Variants in SATB2 observed in about 807,000 individuals in gnomAD.
SATB2 encodes SATB homeobox 2.
Under a neutral mutation model 73.4 loss-of-function variants are expected in SATB2, and 1 was observed. That is an observed-to-expected ratio of 0.01 (90% CI 0.00 to 0.06). The LOEUF (loss-of-function observed/expected upper bound fraction) is 0.06. Ranked by LOEUF, SATB2 falls within the 10% of genes least tolerant of loss-of-function variation. SATB2 has a pLI of 1.00. For synonymous variants in SATB2, 397 were observed against 367.0 expected (o/e 1.08, Z -0.93); for missense variants, 459 against 945.8 (o/e 0.49, Z 6.75).
intron 10 of SATB2, among the ~76,000 whole-genome samples, chr2:199,290,750 C>G (rs1028028037): frequency 3.9e-5 from 6 of 152,074 alleles, no homozygotes; most frequent in African/African-American, 1.4e-4. Context: ...GGGATAAAAA[C>G]TGACATATTC....
intron 9 of SATB2, among the ~76,000 whole-genome samples, chr2:199,322,228 A>G (rs760977573): frequency 6.6e-6 from 1 of 152,226 alleles, no homozygotes; most frequent in Non-Finnish European, 1.5e-5. Flanking sequence ...TGATATTTAC[A>G]TCAAGTCACA....
chr2:199,287,284 T>C (rs1692717937), intron 10 of SATB2, among the ~76,000 whole-genome samples: 1 of 151,920 alleles, frequency 6.6e-6, no homozygotes, highest in Non-Finnish European at 1.5e-5. Context: ...TTCAGATAAA[T>C]ACATTTCACC....
chr2:199,464,892 G>C lies in SATB2; in HGVS notation c.-197C>G, dbSNP rs754525872. 4 of 152,288 alleles carry C rather than the reference G, an allele frequency of 2.6e-5. No individual in the cohort carries two copies. Among genetic ancestry groups the C allele is most frequent in the Non-Finnish European group, 5.9e-5 (4 of 68,080 alleles). The allele number at this position is 152,288 out of a possible 1,614,324, so 9.4% of individuals were successfully genotyped here. A position where few individuals can be genotyped will look rare whatever the true frequency, so the allele number is the denominator to read the frequency against. ...TGCCCAGGACGGAGCGAGGGGCTGT[G>C]GGTCGGCGCAGGGACGCTGGCTGCT... On this transcript the variant is annotated 5_prime_UTR_variant, in exon 1 of 12. Transcript: ENST00000260926. This position sits in a 1 kb window ranked among gnomAD's most constrained non-coding sequence, Gnocchi z 6.6.
At chr2:199,393,900 T>C (rs1018260342) in intron 3 of SATB2, among the ~76,000 whole-genome samples, 5 of 152,094 alleles carry the variant, frequency 3.3e-5, no homozygotes, top group Non-Finnish European at 7.4e-5. Flanking sequence ...AAAAAAAATA[T>C]GGCTCAATCA....
intron 10 of SATB2, among the ~76,000 whole-genome samples, chr2:199,281,627 T>C (rs1445131194): frequency 1.3e-5 from 2 of 152,196 alleles, no homozygotes; most frequent in African/African-American, 4.8e-5. Context: ...TATCATGTAA[T>C]TGAAAGTTTC....
intron 7 of SATB2, among the ~76,000 whole-genome samples, chr2:199,345,476 T>C (rs1688624389): frequency 7.0e-6 from 1 of 142,262 alleles, no homozygotes; most frequent in South Asian, 2.3e-4. Flanking sequence ...ACTTAAGAAG[T>C]TGGTCAACAC....
At chr2:199,367,162 G>C (rs1392923454) in intron 6 of SATB2, among the ~76,000 whole-genome samples, 2 of 152,134 alleles carry the variant, frequency 1.3e-5, no homozygotes, top group African/African-American at 2.4e-5. Flanking sequence ...GAAAAACCTG[G>C]AGGCAACACT....
At chr2:199,341,135 G>A (rs1688494369) in intron 7 of SATB2, among the ~76,000 whole-genome samples, 1 of 152,108 alleles carries the variant, frequency 6.6e-6, no homozygotes, top group South Asian at 2.1e-4. Flanking sequence ...AGTCCACAAA[G>A]TAACAAAGGG....
chr2:199,338,411 T>G (rs1383935282), intron 7 of SATB2, among the ~76,000 whole-genome samples: 1 of 151,558 alleles, frequency 6.6e-6, no homozygotes, highest in Non-Finnish European at 1.5e-5. Context: ...AGGTTTCTAC[T>G]GAAATATACT....
chr2:199,341,415 G>T (rs566500705), intron 7 of SATB2, among the ~76,000 whole-genome samples: 1 of 152,316 alleles, frequency 6.6e-6, no homozygotes, highest in African/African-American at 2.4e-5. Context: ...CAAAGCCACA[G>T]AATCACATAA....
chr2:199,310,326 G>C (rs1687561978), intron 9 of SATB2, among the ~76,000 whole-genome samples: 1 of 152,154 alleles, frequency 6.6e-6, no homozygotes, highest in Non-Finnish European at 1.5e-5. Flanking sequence ...CTGGAAGCTT[G>C]GGAGAGTTAG....
chr2:199,290,417 G>T (rs1692822021), intron 10 of SATB2, among the ~76,000 whole-genome samples: 1 of 152,170 alleles, frequency 6.6e-6, no homozygotes, highest in South Asian at 2.1e-4. Context: ...TGCTTTGAAT[G>T]AATATATACG....
intron 10 of SATB2, among the ~76,000 whole-genome samples, chr2:199,294,962 A>C (rs1692984825): frequency 6.6e-6 from 1 of 152,026 alleles, no homozygotes; most frequent in Admixed American, 6.6e-5. Flanking sequence ...AATAACTGTT[A>C]ATTTGTTCCT....
chr2:199,292,401 G>C (rs1053549719), intron 10 of SATB2, among the ~76,000 whole-genome samples: 9 of 152,086 alleles, frequency 5.9e-5, no homozygotes, highest in African/African-American at 9.7e-5. Flanking sequence ...CCCGAATCTG[G>C]GCAGGCAAAT....
chr2:199,395,666 T>C (rs1690279200), intron 3 of SATB2, among the ~76,000 whole-genome samples: 1 of 152,226 alleles, frequency 6.6e-6, no homozygotes, highest in Non-Finnish European at 1.5e-5. Context: ...CAATCACATC[T>C]ATGTGACAGA....
rs957602706 is a variant in SATB2, at chr2:199,463,205, T to C, written c.-141+1631A>G. ...TTCTTTTGCAGAGCCCAGAACTTAA[T>C]AGGTGGGTCCCCTTCTGCAACCACG... is the stretch of plus-strand genomic sequence containing the variant. On this transcript the variant is annotated intron_variant, in intron 1 of 11. Transcript: ENST00000260926. The surrounding 1 kb of genome is among the most constrained non-coding windows in gnomAD (Gnocchi z 6.4). 9.2e-5 allele frequency among the ~76,000 whole-genome samples: 14 copies of C among 152,100 alleles called. No homozygotes were observed. Among genetic ancestry groups the C allele is most frequent in the African/African-American group, 2.9e-4 (12 of 41,408 alleles).
At chr2:199,453,083 C>CA (rs1203865640) in intron 2 of SATB2, among the ~76,000 whole-genome samples, 1 of 151,944 alleles carries the variant, frequency 6.6e-6, no homozygotes, top group Non-Finnish European at 1.5e-5. Context: ...TAGTTCTCAT[C>CA]AAAAAACACA....
chr2:199,409,299 T>A (rs1178514914), intron 3 of SATB2, among the ~76,000 whole-genome samples: 1 of 151,656 alleles, frequency 6.6e-6, no homozygotes, highest in Non-Finnish European at 1.5e-5. Context: ...CCTTCCTGAG[T>A]AGCTGGAATT....
In SATB2 at chr2:199,455,377, C is replaced by T. The variant is rs553896748; in HGVS notation, c.169+492G>A. On this transcript the variant is annotated intron_variant, in intron 2 of 10. Coordinates refer to ENST00000417098, the MANE Select transcript of SATB2 (RefSeq NM_001172509.2). This position sits in a 1 kb window ranked among gnomAD's most constrained non-coding sequence, Gnocchi z 4.1. ...GTGATTCTTTATTTCCCACATTTCA[C>T]GTGGCAGGAAATATTCCCAGTTGTC... Among the ~76,000 whole-genome samples, 53 of 152,300 alleles carry T rather than the reference C, an allele frequency of 3.5e-4. No individual in the cohort carries two copies. In the Middle Eastern group the frequency reaches 0.01, roughly 29 times the overall value.
Sources: gnomAD v4.1 joint callset for allele counts (sites outside exome capture counted in the v4.1 genomes callset) on GRCh38, gnomAD v4.1.1 for gene constraint, Gnocchi (gnomAD v3.1) non-coding constraint, MANE v1.5 for transcripts, NCBI Gene and HGNC (gene_info 2026-07-23, HGNC 2026-07-21) for gene names.